The following TJP2 variants were observed in gnomAD, a reference collection of about 807,000 sequenced individuals.
The protein encoded by TJP2 is tight junction protein 2.
TJP2 carries 91 observed loss-of-function variants against 133.1 expected under a neutral mutation model. That is an observed-to-expected ratio of 0.68 (90% CI 0.58 to 0.81). The LOEUF is 0.81. Ranked by LOEUF, TJP2 falls within the 40% of genes least tolerant of loss-of-function variation. TJP2 has a pLI of 0.00. For missense variants in TJP2, 1,541 were observed against 1,565.6 expected, an observed-to-expected ratio of 0.98 and a Z score of 0.26; for synonymous variants, 592 against 583.4, an observed-to-expected ratio of 1.01 and a Z score of -0.21.
intron 1 of TJP2, among the ~76,000 whole-genome samples, chr9:69,181,248 T>C (rs916813142): frequency 9.6e-5 from 13 of 135,986 alleles, no homozygotes; most frequent in Non-Finnish European, 1.9e-4. Flanking sequence ...TTCTTTTTTT[T>C]TTTTTTTTTT....
intron 1 of TJP2, among the ~76,000 whole-genome samples, chr9:69,138,562 T>A (rs1226324123): frequency 6.6e-6 from 1 of 150,988 alleles, no homozygotes; most frequent in African/African-American, 2.4e-5. Flanking sequence ...AGGTCAGGAG[T>A]TCGAGACCAG....
Position 69,212,550 on chromosome 9 carries a change from C to A in TJP2, c.63C>A (p.Ala21=). ...TTGGTTTTGTTCTTTTAAAACAGGC[C>A]CCAGGCATGGAAGAGCTGATATGGG... is the stretch of plus-strand genomic sequence containing the variant. ...PRRELSGWLR[A]PGMEELIWEQ... is the part of the protein sequence containing the mutation. Residue 21 remains alanine, a splice_region_variant and synonymous_variant, in exon 2 of 23, where the codon GCC becomes GCA. Transcript: ENST00000377245. The A allele has an allele frequency of 6.2e-7, 1 of 1,612,442 alleles. No individual in the cohort carries two copies. The highest frequency in any genetic ancestry group is 8.5e-7 in the Non-Finnish European group (1 of 1,178,738).
At chr9:69,189,510 G>C (rs926157394) in intron 1 of TJP2, among the ~76,000 whole-genome samples, 2 of 152,088 alleles carry the variant, frequency 1.3e-5, no homozygotes, top group African/African-American at 4.8e-5. Flanking sequence ...CCAACTACTT[G>C]GAGACTGAGG....
At position 69,216,411 on chromosome 9, in the gene TJP2, T is replaced by A; in HGVS notation, c.187T>A (p.Ser63Thr). ...CCCCCACTTTGAAAATGGAGAAACG[T>A]CAATTGTCATTTCTGATGTGCTCCC... Reference protein sequence around the residue: ...DNPHFENGETSIVISDVLPGG... With the variant: ...DNPHFENGETTIVISDVLPGG... Residue 63 changes from serine (S) to threonine (T), a missense_variant, in exon 3 of 23, where the codon TCA (serine) becomes ACA (threonine). Physicochemically the swap from Ser to Thr is moderately conservative, Grantham distance 58 (BLOSUM62 1). Transcript: ENST00000377245. 2 of 1,614,188 alleles carry A rather than the reference T, an allele frequency of 1.2e-6. No homozygotes were observed. Among genetic ancestry groups the A allele is most frequent in the Non-Finnish European group, 1.7e-6 (2 of 1,180,016 alleles).
At chr9:69,211,258 A>G (rs1013190919) in intron 1 of TJP2, among the ~76,000 whole-genome samples, 1 of 152,160 alleles carries the variant, frequency 6.6e-6, no homozygotes. Context: ...AATCGCTTGA[A>G]CCTGGGAGGC....
intron 1 of TJP2, among the ~76,000 whole-genome samples, chr9:69,179,849 G>A (rs1323056640): frequency 6.6e-6 from 1 of 152,158 alleles, no homozygotes; most frequent in Non-Finnish European, 1.5e-5. Context: ...TTGTGTTTTA[G>A]TAAGTTAGGC....
At chr9:69,143,379 TGTATA>T (rs1336834296) in intron 1 of TJP2, among the ~76,000 whole-genome samples, 3 of 152,236 alleles carry the variant, frequency 2.0e-5, no homozygotes, top group South Asian at 4.1e-4. Context: ...TTTAGAGTGT[TGTATA>T]GTAATTTTTA....
intron 1 of TJP2, among the ~76,000 whole-genome samples, chr9:69,197,888 G>C (rs148624173): frequency 0.012 from 1,814 of 152,288 alleles, 31 homozygotes; most frequent in African/African-American, 0.036. Flanking sequence ...CCCACTGGAA[G>C]GTTTACCAGC....
intron 21 of TJP2, 114 bp downstream of exon 21, chr9:69,251,478 C>T: frequency 8.8e-7 from 1 of 1,131,272 alleles, no homozygotes; most frequent in Non-Finnish European, 1.3e-6. Flanking sequence ...ATGCACTGCA[C>T]CAAAGGCAGG....
chr9:69,240,252 T>C (rs1440603328), intron 17 of TJP2, 105 bp downstream of exon 17: 30 of 1,141,982 alleles, frequency 2.6e-5, no homozygotes, highest in Non-Finnish European at 3.5e-5. Context: ...TGAAATTGTG[T>C]TCATGACTCC....
chr9:69,212,453 T>C, intron 1 of TJP2, 95 bp from the exon 2 acceptor site: 2 of 940,518 alleles, frequency 2.1e-6, no homozygotes, highest in Non-Finnish European at 3.5e-6. Context: ...AAGTGTGAGC[T>C]GGACTTTATG....
chr9:69,142,275 T>C (rs1823050231), intron 1 of TJP2, among the ~76,000 whole-genome samples: 1 of 152,212 alleles, frequency 6.6e-6, no homozygotes, highest in Non-Finnish European at 1.5e-5. Flanking sequence ...GTAGTGAATA[T>C]GTTCTGAGGA....
At chr9:69,205,239 T>A in intron 1 of TJP2, 1 of 1,537,190 alleles carries the variant, frequency 6.5e-7, no homozygotes, top group Non-Finnish European at 8.7e-7. Flanking sequence ...GCCGTGTGAG[T>A]CCCTCTGCAA....
At chr9:69,232,320 G>A (rs891394534) in intron 11 of TJP2, among the ~76,000 whole-genome samples, 8 of 152,154 alleles carry the variant, frequency 5.3e-5, no homozygotes, top group African/African-American at 1.7e-4. Flanking sequence ...CTACGAGGGC[G>A]GAGAAGCTGC....
intron 2 of TJP2, among the ~76,000 whole-genome samples, chr9:69,157,154 G>T (rs1315387076): frequency 1.3e-5 from 2 of 152,090 alleles, no homozygotes; most frequent in African/African-American, 4.8e-5. Context: ...GGTTGCAGGG[G>T]CCCTTCAAAT....
intron 1 of TJP2, among the ~76,000 whole-genome samples, chr9:69,137,271 T>TTCTTTTTCTTTC (rs61042405): frequency 2.2e-5 from 2 of 92,000 alleles, no homozygotes; most frequent in African/African-American, 9.9e-5. Flanking sequence ...CTTTCTTTCT[T>TTCTTTTTCTTTC]TTTCTTTCTT....
chr9:69,174,422 G>C lies in TJP2; in HGVS notation c.50G>C (p.Gly17Ala), dbSNP rs2132936050. 6.4e-7 allele frequency: 1 copy of C among 1,551,600 alleles called. No homozygotes were observed. The highest frequency in any genetic ancestry group is 1.4e-5 in the African/African-American group (1 of 73,248). The stretch of plus-strand genomic sequence containing the variant: ...TTTCCACCCCGGCGGGAGCTGTCAG[G>C]TTGGCTCCGCGTAAGTGCCTCCTTG... Reference protein sequence around the residue: ...RGFPPRRELSGWLRAPGMEEL... With the variant: ...RGFPPRRELSAWLRAPGMEEL... Residue 17 changes from glycine (G) to alanine (A), a missense_variant, in exon 1 of 23, where the codon GGT becomes GCT. Coordinates refer to ENST00000377245, the MANE Select transcript of TJP2 (RefSeq NM_004817.4).
chr9:69,174,455 CG>C (rs1465626143), intron 1 of TJP2, 23 bp downstream of exon 1: 3 of 1,544,966 alleles, frequency 1.9e-6, no homozygotes, highest in African/African-American at 1.4e-5. Context: ...TTGTGCCGCG[CG>C]GTTGGGAGGA....
intron 11 of TJP2, among the ~76,000 whole-genome samples, chr9:69,231,764 C>G (rs1450500224): frequency 3.3e-5 from 5 of 152,138 alleles, no homozygotes; most frequent in Non-Finnish European, 5.9e-5. Context: ...CCTGCACGAA[C>G]CTCATGTTGC....
Sources: gnomAD v4.1 joint callset for allele counts (sites outside exome capture counted in the v4.1 genomes callset) on GRCh38, gnomAD v4.1.1 for gene constraint, MANE v1.5 for transcripts, NCBI Gene and HGNC (gene_info 2026-07-23, HGNC 2026-07-21) for gene names.